PLCB1: variants seen among roughly 807,000 people sequenced by gnomAD.
PLCB1 encodes phospholipase C beta 1.
Under a neutral mutation model 161.8 loss-of-function variants are expected in PLCB1, and 46 were observed. That is an observed-to-expected ratio of 0.28 (90% CI 0.22 to 0.36). The LOEUF (loss-of-function observed/expected upper bound fraction) is 0.36. Among genes scored for constraint, PLCB1 ranks in the 10% least tolerant of loss-of-function variants. The pLI is 1.00. For synonymous variants in PLCB1, 517 were observed against 503.7 expected, an observed-to-expected ratio of 1.03 and a Z score of -0.35; for missense variants, 1,016 against 1,472.5, an observed-to-expected ratio of 0.69 and a Z score of 5.07.
intron 2 of PLCB1, among the ~76,000 whole-genome samples, chr20:8,323,771 A>C (rs1985018157): frequency 6.6e-6 from 1 of 152,006 alleles, no homozygotes; most frequent in Admixed American, 6.6e-5. Flanking sequence ...TTTAACCATT[A>C]CATTTAATGA....
chr20:8,217,249 A>G (rs534614959), intron 2 of PLCB1, among the ~76,000 whole-genome samples: 1 of 152,138 alleles, frequency 6.6e-6, no homozygotes, highest in East Asian at 1.9e-4. Context: ...GGGCTAGTGG[A>G]TCTCTAACCC....
intron 2 of PLCB1, among the ~76,000 whole-genome samples, chr20:8,178,966 C>G (rs1234937913): frequency 6.6e-6 from 1 of 152,050 alleles, no homozygotes; most frequent in Non-Finnish European, 1.5e-5. Flanking sequence ...TATTTCTGGG[C>G]TCTCTATTCG....
At chr20:8,850,159 T>C (rs954492989) in intron 31 of PLCB1, among the ~76,000 whole-genome samples, 12 of 152,222 alleles carry the variant, frequency 7.9e-5, no homozygotes, top group African/African-American at 2.9e-4. Flanking sequence ...TCTTTTTTCT[T>C]GAGCAAAGGA....
intron 3 of PLCB1, among the ~76,000 whole-genome samples, chr20:8,438,967 G>A (rs948233759): frequency 2.6e-5 from 4 of 152,082 alleles, no homozygotes; most frequent in South Asian, 2.1e-4. Flanking sequence ...TGACTTTGTC[G>A]GCAGGGAATT....
intron 9 of PLCB1, among the ~76,000 whole-genome samples, chr20:8,678,582 T>C (rs1203753984): frequency 6.6e-6 from 1 of 152,198 alleles, no homozygotes; most frequent in African/African-American, 2.4e-5. Flanking sequence ...TTCTCGACCA[T>C]GTTGTTTTTC....
chr20:8,840,849 C>A (rs942396732), intron 31 of PLCB1, among the ~76,000 whole-genome samples: 2 of 152,086 alleles, frequency 1.3e-5, no homozygotes, highest in Non-Finnish European at 2.9e-5. Flanking sequence ...TGGAGTTTTG[C>A]TCTTGTCACC....
At chr20:8,627,777 TGGC>T (rs1372967656) in intron 3 of PLCB1, among the ~76,000 whole-genome samples, 3 of 152,238 alleles carry the variant, frequency 2.0e-5, no homozygotes, top group African/African-American at 7.2e-5. Flanking sequence ...AACATATGCA[TGGC>T]AGGCACTACG....
At chr20:8,594,382 C>T (rs886118977) in intron 3 of PLCB1, among the ~76,000 whole-genome samples, 2 of 152,152 alleles carry the variant, frequency 1.3e-5, no homozygotes, top group Admixed American at 1.3e-4. Context: ...CACCACGCTA[C>T]AATACATTGC....
chr20:8,405,176 G>A (rs1978730491), intron 3 of PLCB1, among the ~76,000 whole-genome samples: 1 of 152,168 alleles, frequency 6.6e-6, no homozygotes, highest in Non-Finnish European at 1.5e-5. Flanking sequence ...GTATGTGTCT[G>A]TGGTCAGCTG....
chr20:8,835,257 G>A (rs6056196), intron 31 of PLCB1, among the ~76,000 whole-genome samples: 142,233 of 152,172 alleles, frequency 0.93, 67,003 homozygotes, highest in East Asian at 0.99. Context: ...GAGAGCCACA[G>A]GAGATGAGTA....
intron 4 of PLCB1, among the ~76,000 whole-genome samples, chr20:8,636,577 GC>G (rs752664296): frequency 7.9e-5 from 12 of 152,264 alleles, no homozygotes; most frequent in South Asian, 4.1e-4. Context: ...TAAAAAAGGG[GC>G]AACTTGGATT....
intron 14 of PLCB1, among the ~76,000 whole-genome samples, chr20:8,718,226 A>G (rs1169611961): frequency 2.0e-5 from 3 of 152,090 alleles, no homozygotes; most frequent in Non-Finnish European, 4.4e-5. Flanking sequence ...CTCAAAAAAA[A>G]AAGAATTTGC....
intron 2 of PLCB1, among the ~76,000 whole-genome samples, chr20:8,354,907 C>T (rs1396682036): frequency 2.6e-5 from 4 of 152,126 alleles, no homozygotes; most frequent in African/African-American, 4.8e-5. Flanking sequence ...AAGGCTGTAA[C>T]GTTTAAGTGA....
chr20:8,186,608 A>G (rs973652783), intron 2 of PLCB1, among the ~76,000 whole-genome samples: 4 of 152,192 alleles, frequency 2.6e-5, no homozygotes, highest in Non-Finnish European at 5.9e-5. Flanking sequence ...GAAACAATAA[A>G]AGGAGGAACA....
At chr20:8,857,938 A>T (rs896058656) in intron 31 of PLCB1, among the ~76,000 whole-genome samples, 1 of 152,088 alleles carries the variant, frequency 6.6e-6, no homozygotes, top group Non-Finnish European at 1.5e-5. Context: ...TGGTCTTCTC[A>T]TTACTTCATA....
intron 3 of PLCB1, among the ~76,000 whole-genome samples, chr20:8,482,943 G>T (rs527330839): frequency 7.2e-4 from 109 of 151,764 alleles, no homozygotes; most frequent in African/African-American, 2.6e-3. Flanking sequence ...CTGCTGAAGT[G>T]GGATAGTTAT....
chr20:8,150,208 T>C (rs1317505338), intron 1 of PLCB1, 86 bp from the exon 2 acceptor site: 1 of 579,430 alleles, frequency 1.7e-6, no homozygotes, highest in African/African-American at 1.9e-5. Context: ...GGAGAATCTG[T>C]ACAATTATTA....
chr20:8,150,474 T>C (rs991146760), intron 2 of PLCB1, 103 bp downstream of exon 2: 11 of 513,808 alleles, frequency 2.1e-5, no homozygotes, highest in Non-Finnish European at 3.5e-5. Context: ...CACAGATCTT[T>C]TGCAGTTTAT....
intron 9 of PLCB1, among the ~76,000 whole-genome samples, chr20:8,669,316 A>G (rs1568553969): frequency 6.6e-6 from 1 of 152,238 alleles, no homozygotes; most frequent in South Asian, 2.1e-4. Context: ...GCAAATTGCC[A>G]TGGTACATTT....
Sources: allele counts gnomAD v4.1 joint callset (sites outside exome capture counted in the v4.1 genomes callset), GRCh38; gene constraint gnomAD v4.1.1; transcripts MANE v1.5; gene names NCBI Gene and HGNC (gene_info 2026-07-23, HGNC 2026-07-21).